Variants in ITPKB observed in about 807,000 individuals in gnomAD.
ITPKB encodes IP3 3-kinase B.
A neutral mutation model predicts 69.4 loss-of-function variants in ITPKB; 13 were observed. That is an observed-to-expected ratio of 0.19 (90% CI 0.12 to 0.30). The LOEUF (loss-of-function observed/expected upper bound fraction) is 0.30. Among genes scored for constraint, ITPKB ranks in the 10% least tolerant of loss-of-function variants. The probability of loss-of-function intolerance (pLI) is 1.00; values close to 1 mark genes in which losing one functional copy is unlikely to be tolerated. For missense variants in ITPKB, 1,240 were observed against 1,250.5 expected, an observed-to-expected ratio of 0.99 and a Z score of 0.13; for synonymous variants, 584 against 513.7, an observed-to-expected ratio of 1.14 and a Z score of -1.85.
chr1:226,717,330 G>A (rs1657119931), intron 2 of ITPKB, among the ~76,000 whole-genome samples: 1 of 152,218 alleles, frequency 6.6e-6, no homozygotes, highest in African/African-American at 2.4e-5. Context: ...CTGTGGTTAT[G>A]AGTAGTTCTA....
intron 2 of ITPKB, chr1:226,656,931 T>A (rs1669303026): frequency 6.6e-6 from 1 of 152,242 alleles, no homozygotes; most frequent in Non-Finnish European, 1.5e-5. Flanking sequence ...TCACTTTGGT[T>A]TTTTGCTTCT....
At chr1:226,636,703 G>A (rs76669284) in intron 7 of ITPKB, among the ~76,000 whole-genome samples, 7 of 151,702 alleles carry the variant, frequency 4.6e-5, no homozygotes, top group South Asian at 2.1e-4. Flanking sequence ...GCAGGATCCC[G>A]CTTCACACCC....
At chr1:226,698,073 T>C (rs1656538792) in intron 2 of ITPKB, among the ~76,000 whole-genome samples, 1 of 152,244 alleles carries the variant, frequency 6.6e-6, no homozygotes, top group Non-Finnish European at 1.5e-5. Flanking sequence ...GGTTCAAATC[T>C]TGTTTTCTGT....
chr1:226,644,314 G>C (rs1038171357), intron 4 of ITPKB, among the ~76,000 whole-genome samples: 3 of 152,216 alleles, frequency 2.0e-5, no homozygotes, highest in African/African-American at 7.2e-5. Flanking sequence ...CAAAGTCGAA[G>C]CTCCAAGCCA....
Position 226,634,989 on chromosome 1 carries a change from G to A in ITPKB, c.2626-103C>T, listed in dbSNP as rs190388111. The A allele has an allele frequency of 5.5e-4, 443 of 801,180 alleles. 10 individuals are homozygous for A. In the Admixed American group the frequency reaches 0.011, roughly 20 times the overall value. The allele number at this position is 801,180 out of a possible 1,614,324, so 49.6% of individuals were successfully genotyped here. On this transcript the variant is annotated intron_variant, in intron 7 of 7. Coordinates refer to ENST00000429204, the MANE Select transcript of ITPKB (RefSeq NM_002221.4). The surrounding 1 kb of genome is among the most constrained non-coding windows in gnomAD (Gnocchi z 6.3). ...CCAGGTGGGGAGGCTCGCTCAGGCC[G>A]GACAGTTGGGTGCCTGCAATTCCAA...
intron 3 of ITPKB, 57 bp downstream of exon 3, chr1:226,648,615 G>T (rs1483299699): frequency 2.8e-6 from 3 of 1,057,688 alleles, no homozygotes; most frequent in Non-Finnish European, 4.5e-6. Flanking sequence ...AGCGTCCAGG[G>T]CACCTCCCCA....
At chr1:226,712,749 A>G (rs1656992979) in intron 2 of ITPKB, among the ~76,000 whole-genome samples, 1 of 152,222 alleles carries the variant, frequency 6.6e-6, no homozygotes, top group African/African-American at 2.4e-5. Flanking sequence ...CAGAAGGGCA[A>G]TATTGCTCTC....
In ITPKB at chr1:226,642,193, G is replaced by A. The variant is rs923380426; in HGVS notation, c.2247-68C>T. On this transcript the variant is annotated intron_variant, in intron 4 of 7. Transcript: ENST00000429204. This position sits in a 1 kb window ranked among gnomAD's most constrained non-coding sequence, Gnocchi z 6.4. ...AGGGCTCACCAGCAGCTCCTTTCCT[G>A]CCTGGTGGATGAAGGTTTGGGGCGT... The A allele has an allele frequency of 2.3e-5, 31 of 1,320,524 alleles. No individual in the cohort carries two copies. The highest frequency in any genetic ancestry group is 2.7e-5 in the Non-Finnish European group (25 of 941,974). The allele number at this position is 1,320,524 out of a possible 1,614,324, so 81.8% of individuals were successfully genotyped here.
At chr1:226,715,359 A>G (rs1657069485) in intron 2 of ITPKB, among the ~76,000 whole-genome samples, 1 of 152,248 alleles carries the variant, frequency 6.6e-6, no homozygotes, top group Admixed American at 6.5e-5. Context: ...CTGTGCGTGC[A>G]TTCTCTTTAG....
At chr1:226,658,570 A>C (rs1479411573) in intron 2 of ITPKB, among the ~76,000 whole-genome samples, 2 of 152,200 alleles carry the variant, frequency 1.3e-5, no homozygotes, top group Non-Finnish European at 2.9e-5. Context: ...CCCCTTTAAC[A>C]AACAAGAAAA....
chr1:226,718,996 C>A (rs190005929), intron 2 of ITPKB, among the ~76,000 whole-genome samples: 1 of 152,196 alleles, frequency 6.6e-6, no homozygotes, highest in Admixed American at 6.5e-5. Flanking sequence ...GAATCGGGGG[C>A]CGGCACGATG....
chr1:226,701,619 A>AAC (rs1656642392), intron 2 of ITPKB, among the ~76,000 whole-genome samples: 1 of 149,406 alleles, frequency 6.7e-6, no homozygotes, highest in African/African-American at 2.5e-5. Context: ...AAAAAAAAAA[A>AAC]AAAAAAAAAA....
chr1:226,735,895 G>T lies in ITPKB; in HGVS notation c.1564C>A (p.Arg522Ser), dbSNP rs775979938. 1 of 1,612,608 alleles carries T rather than the reference G, an allele frequency of 6.2e-7. No homozygotes were observed. Among genetic ancestry groups the T allele is most frequent in the Non-Finnish European group, 8.5e-7 (1 of 1,178,870 alleles). Residue 522 changes from arginine to serine, a missense_variant, in exon 2 of 8, where the codon CGT becomes AGT. This residue lies in a region of ITPKB where 992 missense variants were observed against 853.8 expected (regional missense o/e 1.16). Coordinates refer to ENST00000429204, the MANE Select transcript of ITPKB (RefSeq NM_002221.4). ...CCCTCTGATTGCACCCCTGTGCCACGCGTCCAAGCCAAACCGGCTTTCTCC... is the reference window on the plus strand; with the variant it reads ...CCCTCTGATTGCACCCCTGTGCCACTCGTCCAAGCCAAACCGGCTTTCTCC... ...TMEKAGLAWT[R>S]GTGVQSEGTW...
At chr1:226,684,435 G>T (rs1421253019) in intron 2 of ITPKB, among the ~76,000 whole-genome samples, 3 of 152,184 alleles carry the variant, frequency 2.0e-5, no homozygotes, top group African/African-American at 7.2e-5. Flanking sequence ...TGGATTCACA[G>T]AGCAGCCATT....
At position 226,686,341 on chromosome 1, in the gene ITPKB, C is replaced by A. The variant is rs1339940907; in HGVS notation, c.1933-37570G>T. Among the ~76,000 whole-genome samples the A allele has an allele frequency of 2.0e-5, 3 of 152,288 alleles. No individual in the cohort carries two copies. The South Asian group carries it at 6.2e-4, about 32-fold the overall frequency. On this transcript the variant is annotated intron_variant, in intron 2 of 7. Coordinates refer to ENST00000429204, the MANE Select transcript of ITPKB (RefSeq NM_002221.4). ...TGTCTAGTATAGATTGAAAGGGAAGCCATAGTCAGTTTCAAAAAGAAGTGG... is the reference window on the plus strand; with the variant it reads ...TGTCTAGTATAGATTGAAAGGGAAGACATAGTCAGTTTCAAAAAGAAGTGG...
In ITPKB at chr1:226,634,649, G is replaced by A. The variant is rs1314472031; in HGVS notation, c.*22C>T. ...GAGGAGGAAAGGAGGCCCAGGCGGG[G>A]GCCAGGGAGGGCGTGGGCAGCTCAG... On this transcript the variant is annotated 3_prime_UTR_variant, in exon 8 of 8. Coordinates refer to ENST00000429204, the MANE Select transcript of ITPKB (RefSeq NM_002221.4). This position sits in a 1 kb window ranked among gnomAD's most constrained non-coding sequence, Gnocchi z 6.3. 2.6e-6 allele frequency: 2 copies of A among 773,646 alleles called. No individual in the cohort carries two copies. Among genetic ancestry groups the A allele is most frequent in the South Asian group, 2.7e-5 (2 of 73,936 alleles). 47.9% of individuals were successfully genotyped at this position (773,646 alleles called of 1,614,324 possible).
At chr1:226,651,059 G>A (rs1169102453) in intron 2 of ITPKB, among the ~76,000 whole-genome samples, 1 of 152,194 alleles carries the variant, frequency 6.6e-6, no homozygotes, top group African/African-American at 2.4e-5. Flanking sequence ...GACCCTAGAA[G>A]GCAGCTCACT....
intron 2 of ITPKB, among the ~76,000 whole-genome samples, chr1:226,685,894 CA>C (rs1656197723): frequency 6.6e-6 from 1 of 152,166 alleles, no homozygotes; most frequent in African/African-American, 2.4e-5. Context: ...AGCTGTGGGG[CA>C]GCACGAGGAA....
At chr1:226,669,050 C>T (rs1669559885) in intron 2 of ITPKB, 1 of 152,100 alleles carries the variant, frequency 6.6e-6, no homozygotes. Flanking sequence ...TGGCCATTAT[C>T]ATCATCATTA....
Sources: allele counts gnomAD v4.1 joint callset (sites outside exome capture counted in the v4.1 genomes callset), GRCh38; gene constraint gnomAD v4.1.1; regional missense constraint gnomAD v4.1.1; non-coding constraint Gnocchi (gnomAD v3.1); transcripts MANE v1.5; gene names NCBI Gene and HGNC (gene_info 2026-07-23, HGNC 2026-07-21).